The following FOXP2 variants were observed in gnomAD, a reference collection of about 807,000 sequenced individuals.
FOXP2 encodes forkhead box protein P2.
A neutral mutation model predicts 115.8 loss-of-function variants in FOXP2; 12 were observed. The observed-to-expected ratio is 0.10, with a 90% CI of 0.07 to 0.17. The LOEUF (loss-of-function observed/expected upper bound fraction) is 0.17. Among genes scored for constraint, FOXP2 ranks in the 10% least tolerant of loss-of-function variants. The pLI is 1.00. For synonymous variants in FOXP2, 328 were observed against 297.7 expected (o/e 1.10, Z -1.05); for missense variants, 629 against 843.5 (o/e 0.75, Z 3.15).
At chr7:114,336,090 G>T (rs566027131) in intron 2 of FOXP2, among the ~76,000 whole-genome samples, 17 of 151,696 alleles carry the variant, frequency 1.1e-4, no homozygotes, top group Non-Finnish European at 2.1e-4. Flanking sequence ...CCCCTCTAGT[G>T]ATGTTAAAGA....
rs1362136589 is a variant in FOXP2, at chr7:114,580,702, A to G, written c.258+45996A>G. On this transcript the variant is annotated intron_variant, in intron 3 of 16. Transcript: ENST00000350908. ...AAGAAATTGAGATTTCTGTAATTTT[A>G]TACCTGGTTATCTGTATTTGGCAGG... 3.3e-5 allele frequency among the ~76,000 whole-genome samples: 5 copies of G among 152,216 alleles called. No homozygotes were observed. In the East Asian group the frequency reaches 7.7e-4, roughly 23 times the overall value.
intron 8 of FOXP2, among the ~76,000 whole-genome samples, chr7:114,650,747 T>C (rs901209845): frequency 3.3e-5 from 5 of 151,920 alleles, no homozygotes; most frequent in African/African-American, 1.2e-4. Context: ...GTGCCTCCCC[T>C]GCACTCCAGC....
intron 2 of FOXP2, among the ~76,000 whole-genome samples, chr7:114,474,701 A>T (rs911135547): frequency 6.6e-6 from 1 of 152,168 alleles, no homozygotes; most frequent in Non-Finnish European, 1.5e-5. Context: ...GCTGACAAAC[A>T]TTTACAATTA....
At chr7:114,167,668 G>T (rs1196636304) in intron 1 of FOXP2, among the ~76,000 whole-genome samples, 2 of 152,122 alleles carry the variant, frequency 1.3e-5, no homozygotes, top group African/African-American at 4.8e-5. Flanking sequence ...TGGGCATGGT[G>T]GCTCAGGCCT....
At chr7:114,109,474 T>G (rs1224653091) in intron 1 of FOXP2, among the ~76,000 whole-genome samples, 1 of 152,080 alleles carries the variant, frequency 6.6e-6, no homozygotes, top group African/African-American at 2.4e-5. Flanking sequence ...CAGTAAGTTT[T>G]GAAAGTTTGT....
chr7:114,651,785 C>T (rs1330213484), intron 8 of FOXP2, among the ~76,000 whole-genome samples: 2 of 152,034 alleles, frequency 1.3e-5, no homozygotes, highest in Admixed American at 6.6e-5. Flanking sequence ...AAACATTGCT[C>T]ACTAAAATAC....
chr7:114,397,336 T>C (rs1173533113), intron 2 of FOXP2, among the ~76,000 whole-genome samples: 1 of 152,134 alleles, frequency 6.6e-6, no homozygotes, highest in East Asian at 1.9e-4. Context: ...GAATAGAGCA[T>C]TGAACAAGAC....
chr7:114,465,281 G>C (rs932406558), intron 2 of FOXP2, among the ~76,000 whole-genome samples: 1 of 151,982 alleles, frequency 6.6e-6, no homozygotes, highest in African/African-American at 2.4e-5. Flanking sequence ...CTTTTTTAAA[G>C]CTTTATTTTC....
chr7:114,233,810 T>G (rs1429598753), intron 1 of FOXP2, among the ~76,000 whole-genome samples: 1 of 152,150 alleles, frequency 6.6e-6, no homozygotes, highest in African/African-American at 2.4e-5. Context: ...GCCAGGAGTT[T>G]GAGACCAGCC....
intron 3 of FOXP2, among the ~76,000 whole-genome samples, chr7:114,597,194 G>T (rs1237356438): frequency 6.6e-6 from 1 of 151,938 alleles, no homozygotes; most frequent in Admixed American, 6.6e-5. Flanking sequence ...AATATAAAAG[G>T]TTAGAGTTAC....
intron 2 of FOXP2, among the ~76,000 whole-genome samples, chr7:114,362,376 T>C (rs1791771841): frequency 6.6e-6 from 1 of 152,056 alleles, no homozygotes; most frequent in South Asian, 2.1e-4. Context: ...CTTTCTTCTC[T>C]GTCAAGGATA....
intron 1 of FOXP2, among the ~76,000 whole-genome samples, chr7:114,261,984 G>A (rs1014468812): frequency 6.6e-6 from 1 of 152,120 alleles, no homozygotes; most frequent in Admixed American, 6.6e-5. Context: ...CTTGAACCTG[G>A]GAGCTGGAGG....
chr7:114,214,711 G>A (rs1346995593), intron 1 of FOXP2, among the ~76,000 whole-genome samples: 2 of 152,010 alleles, frequency 1.3e-5, no homozygotes, highest in South Asian at 2.1e-4. Context: ...CCTTACTCCT[G>A]CTGACAAAAC....
At chr7:114,191,327 G>T (rs1211920634) in intron 1 of FOXP2, among the ~76,000 whole-genome samples, 2 of 152,142 alleles carry the variant, frequency 1.3e-5, no homozygotes, top group Non-Finnish European at 2.9e-5. Flanking sequence ...AGAGAAAGAA[G>T]CAATCTCTAA....
chr7:114,096,829 G>A (rs1799663401), intron 1 of FOXP2, among the ~76,000 whole-genome samples: 1 of 152,088 alleles, frequency 6.6e-6, no homozygotes, highest in Non-Finnish European at 1.5e-5. Flanking sequence ...AAATTTTAAT[G>A]TTTATCTTCT....
chr7:114,349,128 GT>G (rs200330054), intron 2 of FOXP2, among the ~76,000 whole-genome samples: 16 of 149,244 alleles, frequency 1.1e-4, no homozygotes, highest in East Asian at 5.8e-4. Context: ...ACTTTACTAT[GT>G]TTTTTTTTCT....
chr7:114,631,623 G>A lies in FOXP2; in HGVS notation c.693G>A (p.Gln231=), dbSNP rs755829229. 3.7e-6 allele frequency: 6 copies of A among 1,613,898 alleles called. No homozygotes were observed. The highest frequency in any genetic ancestry group is 5.1e-6 in the Non-Finnish European group (6 of 1,179,952). The change falls in exon 6 of 17, where the codon CAG becomes CAA. Residue 231 remains glutamine (Q), a synonymous_variant. Transcript: ENST00000350908. Reference sequence around the variant, plus strand: ...AGATGCAACAACTCCAGCAGCAGCAGCATCTGCTCAGCCTTCAGCGTCAGG... The same window carrying A: ...AGATGCAACAACTCCAGCAGCAGCAACATCTGCTCAGCCTTCAGCGTCAGG... The part of the protein sequence containing the change: ...LLQMQQLQQQ[Q]HLLSLQRQGL...
chr7:114,386,108 C>T (rs552325611), intron 2 of FOXP2, among the ~76,000 whole-genome samples: 41 of 152,300 alleles, frequency 2.7e-4, no homozygotes, highest in Admixed American at 7.8e-4. Context: ...AGGAGCTCAG[C>T]GGACACCCTG....
intron 2 of FOXP2, among the ~76,000 whole-genome samples, chr7:114,319,788 GA>G (rs1208822994): frequency 6.6e-6 from 1 of 152,098 alleles, no homozygotes; most frequent in Non-Finnish European, 1.5e-5. Flanking sequence ...AATCAATAAA[GA>G]AAAATCTGGA....
Sources: allele counts gnomAD v4.1 joint callset (sites outside exome capture counted in the v4.1 genomes callset), GRCh38; gene constraint gnomAD v4.1.1; transcripts MANE v1.5; gene names NCBI Gene and HGNC (gene_info 2026-07-23, HGNC 2026-07-21).